The following LRP1B variants were observed in gnomAD, a reference collection of about 807,000 sequenced individuals.
LRP1B encodes the protein LDL receptor related protein 1B.
Under a neutral mutation model 556.6 loss-of-function variants are expected in LRP1B, and 217 were observed. The ratio of observed to expected loss-of-function variants is 0.39; its 90% CI spans 0.35 to 0.44. The LOEUF (loss-of-function observed/expected upper bound fraction) is 0.44, where lower values mean the gene tolerates loss of function less well. Ranked by LOEUF, LRP1B falls within the 20% of genes least tolerant of loss-of-function variation. LRP1B has a pLI of 1.00. For missense variants in LRP1B, 5,053 were observed against 5,620.8 expected, an observed-to-expected ratio of 0.90 and a Z score of 3.23; for synonymous variants, 2,047 against 1,865.8, an observed-to-expected ratio of 1.10 and a Z score of -2.50.
At chr2:140,349,569 T>C (rs569748491) in intron 77 of LRP1B, among the ~76,000 whole-genome samples, 2 of 152,096 alleles carry the variant, frequency 1.3e-5, no homozygotes, top group Admixed American at 1.3e-4. Flanking sequence ...AATATGTAAA[T>C]TGAATCATCA....
At chr2:140,813,584 G>A (rs879790858) in intron 32 of LRP1B, 73 bp downstream of exon 32, 3 of 1,388,566 alleles carry the variant, frequency 2.2e-6, no homozygotes, top group Admixed American at 1.8e-5. Flanking sequence ...ACTTTCCTAA[G>A]CTTTTAACAG....
chr2:141,781,041 G>C (rs1196741499), intron 2 of LRP1B, among the ~76,000 whole-genome samples: 2 of 152,070 alleles, frequency 1.3e-5, no homozygotes, highest in Admixed American at 6.6e-5. Context: ...TAAGAGAATA[G>C]AGACCCAGAG....
At position 140,503,120 on chromosome 2, in the gene LRP1B, A is replaced by T. The variant is rs1488342259; in HGVS notation, c.8522-17T>A. On this transcript the variant is annotated splice_polypyrimidine_tract_variant and intron_variant, in intron 53 of 90. Coordinates refer to ENST00000389484, the MANE Select transcript of LRP1B (RefSeq NM_018557.3). Reference sequence around the variant, plus strand: ...GTCGATATCCTAGAGACGCAGAAAAAACATTTGACTAATTCACATAACAAA... The same window carrying T: ...GTCGATATCCTAGAGACGCAGAAAATACATTTGACTAATTCACATAACAAA... 6.2e-7 allele frequency: 1 copy of T among 1,611,374 alleles called. No homozygotes were observed. Among genetic ancestry groups the T allele is most frequent in the Non-Finnish European group, 8.5e-7 (1 of 1,178,056 alleles).
At chr2:142,085,526 T>C (rs1705884612) in intron 1 of LRP1B, among the ~76,000 whole-genome samples, 1 of 152,178 alleles carries the variant, frequency 6.6e-6, no homozygotes. Context: ...ATATACAAAC[T>C]TAAGGCACAA....
chr2:140,265,654 A>C (rs1243951147), intron 86 of LRP1B, among the ~76,000 whole-genome samples: 1 of 152,160 alleles, frequency 6.6e-6, no homozygotes, highest in African/African-American at 2.4e-5. Flanking sequence ...AAATAAAGCA[A>C]GCACTATACT....
intron 3 of LRP1B, among the ~76,000 whole-genome samples, chr2:141,361,916 C>T (rs143578757): frequency 6.6e-6 from 1 of 152,146 alleles, no homozygotes; most frequent in Admixed American, 6.5e-5. Context: ...GTACACTATC[C>T]TTTCACTCAT....
At chr2:140,963,713 T>C (rs369537462) in intron 18 of LRP1B, among the ~76,000 whole-genome samples, 1 of 151,970 alleles carries the variant, frequency 6.6e-6, no homozygotes, top group Non-Finnish European at 1.5e-5. Context: ...TCCCGGCACT[T>C]TGGGAGGCTG....
At chr2:140,411,151 GTACCTT>G (rs1684954472) in intron 66 of LRP1B, among the ~76,000 whole-genome samples, 1 of 152,072 alleles carries the variant, frequency 6.6e-6, no homozygotes, top group South Asian at 2.1e-4. Flanking sequence ...TGTCTCTCTT[GTACCTT>G]GATAAAAACT....
rs1319105982 is a variant in LRP1B at position 140,536,606 on chromosome 2, T to C, written c.7617A>G (p.Lys2539=). 3.7e-6 allele frequency: 6 copies of C among 1,610,862 alleles called. No homozygotes were observed. The highest frequency in any genetic ancestry group is 1.7e-4 in the Middle Eastern group (1 of 6,048). The change falls in exon 46 of 91, where the codon AAA becomes AAG. Residue 2539 remains lysine (K), a synonymous_variant. Transcript: ENST00000389484. ...CACAGTAGAGCAGTTTTTCATCTGA[T>C]TTATCTTTACAGTGAGGAATGCCAT... ...TCDGIPHCKD[K]SDEKLLYCEN...
intron 6 of LRP1B, among the ~76,000 whole-genome samples, chr2:141,194,166 T>C (rs962758344): frequency 6.6e-6 from 1 of 152,138 alleles, no homozygotes; most frequent in Non-Finnish European, 1.5e-5. Flanking sequence ...TTTGAAACAG[T>C]TTTGCCATCC....
intron 3 of LRP1B, among the ~76,000 whole-genome samples, chr2:141,388,263 C>T (rs1438105701): frequency 2.0e-5 from 3 of 151,982 alleles, no homozygotes; most frequent in Non-Finnish European, 4.4e-5. Flanking sequence ...AGATGAAACC[C>T]CACCTCTACT....
At chr2:142,073,496 A>T (rs1705395468) in intron 1 of LRP1B, among the ~76,000 whole-genome samples, 1 of 152,042 alleles carries the variant, frequency 6.6e-6, no homozygotes, top group Non-Finnish European at 1.5e-5. Context: ...TTCACATCCT[A>T]CTACCAAATT....
intron 31 of LRP1B, among the ~76,000 whole-genome samples, chr2:140,821,252 G>A (rs561873498): frequency 9.9e-5 from 15 of 151,956 alleles, no homozygotes; most frequent in South Asian, 2.1e-4. Context: ...TACCTCCCCC[G>A]CACCCCCAAT....
intron 15 of LRP1B, among the ~76,000 whole-genome samples, chr2:141,000,156 C>T (rs187637678): frequency 7.2e-5 from 11 of 151,794 alleles, no homozygotes; most frequent in African/African-American, 2.7e-4. Context: ...TGGATTCAAG[C>T]AATCTTCCCA....
At chr2:140,745,225 G>A (rs1425029295) in intron 35 of LRP1B, among the ~76,000 whole-genome samples, 1 of 152,054 alleles carries the variant, frequency 6.6e-6, no homozygotes, top group Non-Finnish European at 1.5e-5. Flanking sequence ...AAAGAAGGCT[G>A]AAACATAAGA....
intron 2 of LRP1B, among the ~76,000 whole-genome samples, chr2:141,517,117 A>C (rs907308352): frequency 6.6e-6 from 1 of 151,790 alleles, no homozygotes; most frequent in African/African-American, 2.4e-5. Context: ...TACAGCATAA[A>C]TATGTCTACC....
intron 7 of LRP1B, among the ~76,000 whole-genome samples, chr2:141,176,525 G>T (rs1337202119): frequency 1.3e-5 from 2 of 151,998 alleles, no homozygotes; most frequent in Non-Finnish European, 2.9e-5. Context: ...TGCCATGATT[G>T]TAAGTTTCCT....
intron 23 of LRP1B, among the ~76,000 whole-genome samples, chr2:140,901,937 A>G (rs574246537): frequency 1.3e-5 from 2 of 152,200 alleles, no homozygotes; most frequent in South Asian, 2.1e-4. Context: ...GGTCTAATGG[A>G]TCCCATTATT....
intron 20 of LRP1B, among the ~76,000 whole-genome samples, chr2:140,936,748 CTT>C: frequency 6.6e-6 from 1 of 151,956 alleles, no homozygotes; most frequent in Non-Finnish European, 1.5e-5. Flanking sequence ...ATTATTGTAC[CTT>C]TTGTTTGCAA....
Sources: gnomAD v4.1 joint callset for allele counts (sites outside exome capture counted in the v4.1 genomes callset) on GRCh38, gnomAD v4.1.1 for gene constraint, MANE v1.5 for transcripts, NCBI Gene and HGNC (gene_info 2026-07-23, HGNC 2026-07-21) for gene names.